The following TRHDE variants were observed in gnomAD, a reference collection of about 807,000 sequenced individuals.
TRHDE encodes thyrotropin-releasing hormone-degrading ectoenzyme.
Under a neutral mutation model 125.7 loss-of-function variants are expected in TRHDE, and 72 were observed. The observed-to-expected ratio is 0.57, with a 90% CI of 0.47 to 0.70. TRHDE has a LOEUF of 0.70. Ranked by LOEUF, TRHDE falls within the 30% of genes least tolerant of loss-of-function variation. The pLI is 0.00. For missense variants in TRHDE, 1,110 were observed against 1,327.1 expected (o/e 0.84, Z 2.54); for synonymous variants, 509 against 509.1 (o/e 1.00, Z 0.00).
At chr12:72,135,107 A>G (rs973254016) in intron 2 of TRHDE, among the ~76,000 whole-genome samples, 2 of 152,202 alleles carry the variant, frequency 1.3e-5, no homozygotes, top group African/African-American at 4.8e-5. Context: ...ACAGAAAATC[A>G]GATGAAAACT....
chr12:72,346,768 C>A (rs1441519437), intron 2 of TRHDE, among the ~76,000 whole-genome samples: 1 of 152,022 alleles, frequency 6.6e-6, no homozygotes, highest in African/African-American at 2.4e-5. Flanking sequence ...TAGAAGGTGA[C>A]TTGAGCTTGC....
intron 2 of TRHDE, among the ~76,000 whole-genome samples, chr12:72,166,323 A>T (rs1876746755): frequency 6.6e-6 from 1 of 152,196 alleles, no homozygotes; most frequent in Non-Finnish European, 1.5e-5. Context: ...ATATATACAC[A>T]CACACACATA....
chr12:72,436,661 A>C (rs17111159), intron 3 of TRHDE, among the ~76,000 whole-genome samples: 13,660 of 151,944 alleles, frequency 0.09, 735 homozygotes, highest in Admixed American at 0.14. Context: ...AATCAGCCTG[A>C]CATACTCTTC....
chr12:72,271,785 C>T (rs1361283595), upstream of TRHDE: 12 of 400,404 alleles, frequency 3.0e-5, no homozygotes, highest in Non-Finnish European at 6.1e-5. Flanking sequence ...TTCGGCTCTC[C>T]CCCTTGGGAT....
intron 7 of TRHDE, among the ~76,000 whole-genome samples, chr12:72,555,959 T>A (rs1202285412): frequency 6.6e-6 from 1 of 152,326 alleles, no homozygotes; most frequent in African/African-American, 2.4e-5. Flanking sequence ...TGTTGCTTTT[T>A]AAAATGTTTT....
At chr12:72,336,121 C>G (rs1592552648) in intron 2 of TRHDE, among the ~76,000 whole-genome samples, 1 of 152,230 alleles carries the variant, frequency 6.6e-6, no homozygotes. Context: ...AGAATTTTAA[C>G]ATTTGTTGAG....
intron 3 of TRHDE, among the ~76,000 whole-genome samples, chr12:72,414,369 A>G (rs952054170): frequency 6.6e-6 from 1 of 152,140 alleles, no homozygotes; most frequent in Non-Finnish European, 1.5e-5. Context: ...CATGTGCTGT[A>G]ATACTAACCC....
At chr12:72,652,605 T>A (rs889308516) in intron 16 of TRHDE, 116 bp downstream of exon 16, 4 of 677,114 alleles carry the variant, frequency 5.9e-6, no homozygotes, top group Non-Finnish European at 4.5e-6. Context: ...AAATATATCT[T>A]CCTAAACATG....
chr12:72,385,005 A>T (rs539784133), intron 3 of TRHDE, among the ~76,000 whole-genome samples: 2 of 152,200 alleles, frequency 1.3e-5, no homozygotes, highest in Non-Finnish European at 2.9e-5. Context: ...TCTTGATCTT[A>T]ATCAAACAGC....
rs376011835 is a variant in TRHDE at position 72,660,592 on chromosome 12, G to A, written c.3067-2460G>A. On this transcript the variant is annotated intron_variant, in intron 18 of 18. Transcript: ENST00000261180. ...TTCAGCACCTGACCCTATACTCGCC[G>A]GTTATTCCTAGTTTATGTTAGTAAT... Among the ~76,000 whole-genome samples, 27 of 152,180 alleles carry A rather than the reference G, an allele frequency of 1.8e-4. 1 individual carries two copies. In the East Asian group the frequency reaches 3.1e-3, roughly 17 times the overall value.
At chr12:72,648,698 A>G (rs946815238) in intron 15 of TRHDE, among the ~76,000 whole-genome samples, 16 of 151,966 alleles carry the variant, frequency 1.1e-4, no homozygotes, top group African/African-American at 3.9e-4. Flanking sequence ...TGTAATCTCA[A>G]CACTTTGGGA....
intron 2 of TRHDE, among the ~76,000 whole-genome samples, chr12:72,246,000 C>T (rs1878568997): frequency 6.6e-6 from 1 of 152,072 alleles, no homozygotes; most frequent in African/African-American, 2.4e-5. Context: ...CTATTATGGC[C>T]ATGTAGGAGG....
chr12:72,221,004 A>G (rs1467364679), intron 2 of TRHDE, among the ~76,000 whole-genome samples: 2 of 152,128 alleles, frequency 1.3e-5, no homozygotes, highest in South Asian at 2.1e-4. Flanking sequence ...AGAGAAGATA[A>G]TGAAATGAGG....
At chr12:72,297,411 A>G (rs1356986787) in intron 2 of TRHDE, among the ~76,000 whole-genome samples, 1 of 152,132 alleles carries the variant, frequency 6.6e-6, no homozygotes, top group Non-Finnish European at 1.5e-5. Context: ...TAAGCCTGTT[A>G]TTGCAAAATT....
At chr12:72,498,528 G>C (rs777441564) in intron 5 of TRHDE, among the ~76,000 whole-genome samples, 7 of 151,944 alleles carry the variant, frequency 4.6e-5, no homozygotes, top group Non-Finnish European at 1.0e-4. Context: ...ACTATCTAGG[G>C]GCTATTTAGC....
rs773838556 is a variant in TRHDE, at chr12:72,656,915, T to C, written c.2985-12T>C. The C allele has an allele frequency of 7.0e-6, 11 of 1,582,210 alleles. No homozygotes were observed. In the South Asian group the frequency reaches 1.3e-4, roughly 18 times the overall value. ...ACCTGCATTGACATTAAGACTCTTTTTTTCTTTTGAGGTATGGAGAAGCAT... is the reference window on the plus strand; with the variant it reads ...ACCTGCATTGACATTAAGACTCTTTCTTTCTTTTGAGGTATGGAGAAGCAT... On this transcript the variant is annotated splice_polypyrimidine_tract_variant and intron_variant, in intron 17 of 18. Coordinates refer to ENST00000261180, the MANE Select transcript of TRHDE (RefSeq NM_013381.3).
intron 12 of TRHDE, among the ~76,000 whole-genome samples, chr12:72,608,003 G>A (rs1872516215): frequency 6.6e-6 from 1 of 152,010 alleles, no homozygotes; most frequent in Admixed American, 6.6e-5. Flanking sequence ...TTCAACTTTA[G>A]CTCTACATTT....
At chr12:72,473,816 G>T (rs1218826199) in intron 5 of TRHDE, among the ~76,000 whole-genome samples, 1 of 151,966 alleles carries the variant, frequency 6.6e-6, no homozygotes, top group South Asian at 2.1e-4. Flanking sequence ...TTTTATATAA[G>T]CTTTCACTGA....
At chr12:72,602,563 C>A (rs560565522) in intron 12 of TRHDE, among the ~76,000 whole-genome samples, 17 of 152,102 alleles carry the variant, frequency 1.1e-4, no homozygotes, top group Admixed American at 2.0e-4. Context: ...ACCATTTTTG[C>A]AAGAAGCAGG....
Sources: gnomAD v4.1 joint callset for allele counts (sites outside exome capture counted in the v4.1 genomes callset) on GRCh38, gnomAD v4.1.1 for gene constraint, MANE v1.5 for transcripts, NCBI Gene and HGNC (gene_info 2026-07-23, HGNC 2026-07-21) for gene names.